Variants in RPL5 observed in about 807,000 individuals in gnomAD.
RPL5 encodes ribosomal protein L5.
Under a neutral mutation model 38.4 loss-of-function variants are expected in RPL5, and 1 was observed. That is an observed-to-expected ratio of 0.03 (90% CI 0.01 to 0.12). The LOEUF (loss-of-function observed/expected upper bound fraction) is 0.12. Ranked by LOEUF, RPL5 falls within the 10% of genes least tolerant of loss-of-function variation. The pLI is 1.00. For missense variants in RPL5, 243 were observed against 374.1 expected, an observed-to-expected ratio of 0.65 and a Z score of 2.89; for synonymous variants, 109 against 121.2, an observed-to-expected ratio of 0.90 and a Z score of 0.66.
intron 1 of RPL5, chr1:92,832,979 G>A (rs764452993): frequency 6.9e-6 from 5 of 729,508 alleles, no homozygotes; most frequent in Middle Eastern, 4.5e-4. Flanking sequence ...TGGCATCACT[G>A]ATTGCTGTCT....
chr1:92,832,276 A>C, intron 1 of RPL5, 159 bp downstream of exon 1: 2 of 1,181,058 alleles, frequency 1.7e-6, no homozygotes, highest in African/African-American at 1.5e-5. Context: ...GTGGCCTTAA[A>C]TGGCTGCCGC....
At chr1:92,832,195 G>A (rs1686934303) in intron 1 of RPL5, 78 bp downstream of exon 1, 1 of 1,595,442 alleles carries the variant, frequency 6.3e-7, no homozygotes, top group Non-Finnish European at 8.6e-7. Context: ...CCTAGGGCCC[G>A]TCTCGCGCGT....
At chr1:92,840,315 T>G (rs1687302491) in intron 6 of RPL5, 1 of 461,490 alleles carries the variant, frequency 2.2e-6, no homozygotes, top group Non-Finnish European at 4.0e-6. Context: ...CCTGGCCTGA[T>G]TTTTTTCTTG....
intron 6 of RPL5, among the ~76,000 whole-genome samples, chr1:92,839,470 T>C (rs1687266989): frequency 6.6e-6 from 1 of 152,074 alleles, no homozygotes; most frequent in African/African-American, 2.4e-5. Context: ...TAGGGATAGA[T>C]TGGTGGTAGT....
chr1:92,837,347 G>A (rs371558666), intron 5 of RPL5, 109 bp from the exon 6 acceptor site: 9 of 932,342 alleles, frequency 9.7e-6, no homozygotes, highest in East Asian at 2.4e-5. Context: ...GGTTGCATAT[G>A]ATGCGATAAT....
chr1:92,832,837 C>G (rs1274139980), intron 1 of RPL5: 5 of 599,180 alleles, frequency 8.3e-6, no homozygotes, highest in Non-Finnish European at 1.5e-5. Context: ...TGTGCTCTTG[C>G]CCAGTTAAGC....
intron 4 of RPL5, 113 bp from the exon 5 acceptor site, chr1:92,836,077 A>G (rs1323444978): frequency 1.0e-6 from 1 of 956,108 alleles, no homozygotes; most frequent in Non-Finnish European, 1.7e-6. Context: ...TGGGTGTGGA[A>G]GGAAATTTTC....
chr1:92,840,724 A>G (rs115931438), intron 7 of RPL5, 85 bp downstream of exon 7: 17,170 of 980,114 alleles, frequency 0.018, 213 homozygotes, highest in Non-Finnish European at 0.022. Flanking sequence ...TAATTGTGCA[A>G]ACTCGATCAC....
rs1687141645 is a variant in RPL5 at position 92,836,659 on chromosome 1, T to C, written c.527+267T>C. 3 of 460,138 alleles carry C rather than the reference T, an allele frequency of 6.5e-6. No homozygotes were observed. In the East Asian group the frequency reaches 1.3e-4, roughly 21 times the overall value. The allele number at this position is 460,138 out of a possible 1,614,324, so 28.5% of individuals were successfully genotyped here. A position where few individuals can be genotyped will look rare whatever the true frequency, so the allele number is the denominator to read the frequency against. On this transcript the variant is annotated intron_variant, in intron 5 of 7. Transcript: ENST00000370321. ...GATTGAAACCACTACCTTTTGCATA[T>C]GACTTAATTCTTATTAGAAATGAGC...
intron 6 of RPL5, chr1:92,837,916 AACTTC>A (rs1687190761): frequency 7.1e-6 from 3 of 422,026 alleles, no homozygotes; most frequent in South Asian, 2.2e-5. Context: ...CTAGATAATA[AACTTC>A]ACTTATTTTG....
intron 5 of RPL5, chr1:92,836,910 CTG>C: frequency 9.2e-6 from 2 of 217,524 alleles, no homozygotes; most frequent in East Asian, 1.2e-4. Context: ...GTTGTTGAGT[CTG>C]TGCATCTTGA....
At chr1:92,836,128 T>C (rs1687114895) in intron 4 of RPL5, 62 bp from the exon 5 acceptor site, 1 of 1,462,670 alleles carries the variant, frequency 6.8e-7, no homozygotes, top group East Asian at 2.3e-5. Flanking sequence ...TGACATAAGC[T>C]ATTTTAATTT....
chr1:92,836,110 T>C, intron 4 of RPL5, 80 bp from the exon 5 acceptor site: 1 of 1,334,826 alleles, frequency 7.5e-7, no homozygotes, highest in South Asian at 1.2e-5. Flanking sequence ...CAGTGGTCCT[T>C]ACGGTTATGA....
rs957088087 is a variant in RPL5, at chr1:92,836,365, T to C, written c.500T>C (p.Val167Ala). The C allele has an allele frequency of 1.2e-6, 2 of 1,614,190 alleles. No individual in the cohort carries two copies. Among genetic ancestry groups the C allele is most frequent in the Non-Finnish European group, 1.7e-6 (2 of 1,180,022 alleles). The change falls in exon 5 of 8, where the codon GTG becomes GCG. Residue 167 changes from valine (V) to alanine (A), a missense_variant. Physicochemically the swap from Val to Ala is moderately conservative, Grantham distance 64. Transcript: ENST00000370321. ...GTTTTTGGTGCCCTGAAGGGAGCTG[T>C]GGATGGAGGCTTGTCTATCCCTCAC... ...NKVFGALKGA[V>A]DGGLSIPHST...
chr1:92,834,779 A>G lies in RPL5; in HGVS notation c.190A>G (p.Ile64Val). Residue 64 changes from isoleucine to valine, a missense_variant and splice_region_variant, in exon 4 of 8, where the codon ATT becomes GTT. Ile to Val is a conservative substitution (Grantham distance 29, BLOSUM62 3). Coordinates refer to ENST00000370321, the MANE Select transcript of RPL5 (RefSeq NM_000969.5). ...TAACCTAGTTTCTCTCTTACTATAG[A>G]TTGCTTATGCCCGTATAGAGGGGGA... ...RVTNRDIICQ[I>V]AYARIEGDMI... is the part of the protein sequence containing the mutation. The G allele has an allele frequency of 6.2e-7, 1 of 1,613,048 alleles. No individual in the cohort carries two copies. The highest frequency in any genetic ancestry group is 2.2e-5 in the East Asian group (1 of 44,886).
chr1:92,838,443 T>G (rs1446379927), intron 6 of RPL5, among the ~76,000 whole-genome samples: 1 of 152,260 alleles, frequency 6.6e-6, no homozygotes, highest in African/African-American at 2.4e-5. Context: ...CCTATATCTT[T>G]ATGTAGTCAT....
rs1686926876 is a variant in RPL5, at chr1:92,832,080, T to A, written c.-35T>A. The A allele has an allele frequency of 6.2e-7, 1 of 1,613,852 alleles. No individual in the cohort carries two copies. Among genetic ancestry groups the A allele is most frequent in the East Asian group, 2.2e-5 (1 of 44,870 alleles). Reference sequence around the variant, plus strand: ...TAGCGCCGCTGGGCCTGCAGGTCTCTGTCGAGCAGCGGACGCCGGTCTCTG... The same window carrying A: ...TAGCGCCGCTGGGCCTGCAGGTCTCAGTCGAGCAGCGGACGCCGGTCTCTG... On this transcript the variant is annotated 5_prime_UTR_variant, in exon 1 of 8. Coordinates refer to ENST00000370321, the MANE Select transcript of RPL5 (RefSeq NM_000969.5).
chr1:92,835,882 G>A (rs1363267510), intron 4 of RPL5, among the ~76,000 whole-genome samples: 1 of 152,122 alleles, frequency 6.6e-6, no homozygotes, highest in African/African-American at 2.4e-5. Flanking sequence ...TTTAATGGAG[G>A]GAACATTGTA....
chr1:92,833,348 C>G (rs1415526360), intron 1 of RPL5, 41 bp from the exon 2 acceptor site: 2 of 1,481,060 alleles, frequency 1.4e-6, no homozygotes, highest in East Asian at 2.3e-5. Flanking sequence ...GTATCATAGG[C>G]TAAGACATCA....
Sources: allele counts gnomAD v4.1 joint callset (sites outside exome capture counted in the v4.1 genomes callset), GRCh38; gene constraint gnomAD v4.1.1; transcripts MANE v1.5; gene names NCBI Gene and HGNC (gene_info 2026-07-23, HGNC 2026-07-21).